Variants in GRHL1 observed in about 807,000 individuals in gnomAD.
GRHL1 encodes the protein grainyhead like transcription factor 1, also known as grainyhead-like protein 1 homolog.
In GRHL1, 38 loss-of-function variants were observed where a neutral mutation model predicts 75.7. The ratio of observed to expected loss-of-function variants is 0.50; its 90% CI spans 0.39 to 0.66. GRHL1 has a LOEUF of 0.66. GRHL1 is among the 30% of genes least tolerant of loss of function. The probability of loss-of-function intolerance (pLI) is 0.00; values close to 1 mark genes in which losing one functional copy is unlikely to be tolerated. For synonymous variants in GRHL1, 266 were observed against 279.4 expected, an observed-to-expected ratio of 0.95 and a Z score of 0.48; for missense variants, 589 against 767.5, an observed-to-expected ratio of 0.77 and a Z score of 2.75.
intron 14 of GRHL1, among the ~76,000 whole-genome samples, chr2:9,996,799 C>A (rs1307868820): frequency 6.6e-6 from 1 of 152,190 alleles, no homozygotes; most frequent in African/African-American, 2.4e-5. Flanking sequence ...TAGGAAATTA[C>A]TGAACTTGCA....
At chr2:9,984,372 C>T (rs1558309291) in intron 8 of GRHL1, among the ~76,000 whole-genome samples, 1 of 152,096 alleles carries the variant, frequency 6.6e-6, no homozygotes, top group Non-Finnish European at 1.5e-5. Flanking sequence ...AACTGTAATT[C>T]CAATAATGTC....
chr2:9,954,669 G>T (rs1273380864), intron 1 of GRHL1, among the ~76,000 whole-genome samples: 1 of 152,154 alleles, frequency 6.6e-6, no homozygotes, highest in Non-Finnish European at 1.5e-5. Context: ...TTGCCAAATA[G>T]TATACCCTGG....
At chr2:9,981,593 G>A (rs1231412648) in intron 8 of GRHL1, among the ~76,000 whole-genome samples, 1 of 152,244 alleles carries the variant, frequency 6.6e-6, no homozygotes, top group Non-Finnish European at 1.5e-5. Context: ...TTACTGCAGA[G>A]TCGAGTAGTT....
At chr2:9,975,021 G>T (rs1393658854) in intron 8 of GRHL1, among the ~76,000 whole-genome samples, 2 of 152,206 alleles carry the variant, frequency 1.3e-5, no homozygotes, top group Admixed American at 6.5e-5. Context: ...TGATTGGGTC[G>T]TATTTCTTTT....
intron 8 of GRHL1, among the ~76,000 whole-genome samples, chr2:9,967,482 G>T (rs969746730): frequency 6.6e-6 from 1 of 152,214 alleles, no homozygotes; most frequent in Non-Finnish European, 1.5e-5. Flanking sequence ...TGGAGGAGTG[G>T]CTTAAGTAGC....
rs923551424 is a variant in GRHL1, at chr2:9,991,915, T to G, written c.1322-92T>G. 4.2e-6 allele frequency: 4 copies of G among 952,880 alleles called. No homozygotes were observed. In the African/African-American group the frequency reaches 6.6e-5, roughly 16 times the overall value. 59.0% of individuals were successfully genotyped at this position (952,880 alleles called of 1,614,324 possible). ...TACAGAGTGCTACACTTGGAGTATC[T>G]TACTCAGAGGCGAGCACTCTGTGGC... is the stretch of plus-strand genomic sequence containing the variant. On this transcript the variant is annotated intron_variant, in intron 10 of 15. Coordinates refer to ENST00000324907, the MANE Select transcript of GRHL1 (RefSeq NM_198182.3).
intron 1 of GRHL1, among the ~76,000 whole-genome samples, chr2:9,954,239 C>A (rs1284775345): frequency 6.6e-6 from 1 of 152,050 alleles, no homozygotes; most frequent in Non-Finnish European, 1.5e-5. Flanking sequence ...TGTTGGATAT[C>A]CTTAAGTGTT....
At chr2:9,981,085 A>G (rs964107849) in intron 8 of GRHL1, among the ~76,000 whole-genome samples, 1 of 152,232 alleles carries the variant, frequency 6.6e-6, no homozygotes, top group African/African-American at 2.4e-5. Context: ...TGTTGCTCCC[A>G]CTGGACCCAA....
intron 10 of GRHL1, 25 bp from the exon 11 acceptor site, chr2:9,991,982 C>G: frequency 6.5e-7 from 1 of 1,536,078 alleles, no homozygotes; most frequent in South Asian, 1.2e-5. Flanking sequence ...TTGGCTTCCT[C>G]TTTTTTAATT....
intron 14 of GRHL1, among the ~76,000 whole-genome samples, chr2:9,997,107 C>T (rs1668897999): frequency 6.6e-6 from 1 of 152,178 alleles, no homozygotes; most frequent in African/African-American, 2.4e-5. Context: ...AGCATCTCCC[C>T]CAGCTCCCTC....
At chr2:9,965,058 A>G (rs1226231511) in intron 7 of GRHL1, 5 of 423,860 alleles carry the variant, frequency 1.2e-5, no homozygotes, top group Admixed American at 3.9e-5. Context: ...TAAATTTCCT[A>G]ATTGTGACAT....
chr2:9,960,153 G>A (rs1667209587), intron 3 of GRHL1: 1 of 152,154 alleles, frequency 6.6e-6, no homozygotes, highest in Non-Finnish European at 1.5e-5. Context: ...GAAAGAGAAA[G>A]CCAGGCCCGG....
chr2:9,999,585 A>G (rs574237706), intron 15 of GRHL1, among the ~76,000 whole-genome samples: 21 of 152,348 alleles, frequency 1.4e-4, no homozygotes, highest in Admixed American at 1.1e-3. Context: ...TTTCGGGGCC[A>G]TGGTTGGTAT....
At chr2:9,999,078 C>CA in intron 15 of GRHL1, 49 bp downstream of exon 15, 1 of 967,406 alleles carries the variant, frequency 1.0e-6, no homozygotes, top group Admixed American at 2.1e-5. Context: ...TGATGCCCCC[C>CA]GCAGTGCTAG....
At chr2:9,979,439 A>G (rs778226029) in intron 8 of GRHL1, among the ~76,000 whole-genome samples, 7 of 152,074 alleles carry the variant, frequency 4.6e-5, no homozygotes, top group East Asian at 3.9e-4. Context: ...GGGTCTCGCT[A>G]TGTTGCCCAG....
At position 9,951,983 on chromosome 2, in the gene GRHL1, T is replaced by C. The variant is rs1666800322; in HGVS notation, c.20+130T>C. 2 of 329,770 alleles carry C rather than the reference T, an allele frequency of 6.1e-6. No homozygotes were observed. Among genetic ancestry groups the C allele is most frequent in the South Asian group, 2.2e-4 (2 of 9,062 alleles). 20.4% of individuals were successfully genotyped at this position (329,770 alleles called of 1,614,324 possible). ...GCGCGGGGCGCGAGCCGGGGGCCGC[T>C]GTCCACTCCACGCCGCCACGGCCTT... On this transcript the variant is annotated intron_variant, in intron 1 of 15. Transcript: ENST00000324907. The surrounding 1 kb of genome is among the most constrained non-coding windows in gnomAD (Gnocchi z 4.2).
At chr2:9,996,887 C>G (rs912905469) in intron 14 of GRHL1, among the ~76,000 whole-genome samples, 1 of 152,184 alleles carries the variant, frequency 6.6e-6, no homozygotes, top group Non-Finnish European at 1.5e-5. Context: ...TTACGAGGAT[C>G]TCAGCACGAG....
chr2:9,993,110 G>A, intron 11 of GRHL1, 97 bp from the exon 12 acceptor site: 2 of 914,752 alleles, frequency 2.2e-6, no homozygotes, highest in Non-Finnish European at 3.6e-6. Context: ...ATATTAGATT[G>A]GTGAAATTCA....
At chr2:9,975,648 C>T (rs540602826) in intron 8 of GRHL1, among the ~76,000 whole-genome samples, 3 of 151,576 alleles carry the variant, frequency 2.0e-5, no homozygotes, top group African/African-American at 4.9e-5. Flanking sequence ...GAGGCCGAGA[C>T]GGGTGTATCA....
Sources: allele counts gnomAD v4.1 joint callset (sites outside exome capture counted in the v4.1 genomes callset), GRCh38; gene constraint gnomAD v4.1.1; non-coding constraint Gnocchi (gnomAD v3.1); transcripts MANE v1.5; gene names NCBI Gene and HGNC (gene_info 2026-07-23, HGNC 2026-07-21).